The following B3GLCT variants were observed in gnomAD, a reference collection of about 807,000 sequenced individuals.
B3GLCT encodes the protein beta 3-glucosyltransferase, also known as beta-1,3-glucosyltransferase.
A neutral mutation model predicts 63.4 loss-of-function variants in B3GLCT; 65 were observed. The ratio of observed to expected loss-of-function variants is 1.03; its 90% CI spans 0.84 to 1.26. The LOEUF is 1.26. Ranked by LOEUF, B3GLCT falls within the 50% of genes most tolerant of loss-of-function variation. The pLI, the probability that B3GLCT is intolerant of heterozygous loss-of-function variation, is 0.00. For missense variants in B3GLCT, 577 were observed against 604.8 expected (o/e 0.95, Z 0.48); for synonymous variants, 233 against 219.2 (o/e 1.06, Z -0.55).
chr13:31,222,760 C>T (rs1344935510), intron 2 of B3GLCT, among the ~76,000 whole-genome samples, 192 bp from the exon 3 acceptor site: 2 of 152,232 alleles, frequency 1.3e-5, no homozygotes, highest in African/African-American at 2.4e-5. Context: ...TGTCATGATA[C>T]AGAAGTACAT....
intron 8 of B3GLCT, among the ~76,000 whole-genome samples, chr13:31,271,408 T>A (rs1351349161): frequency 6.6e-6 from 1 of 152,264 alleles, no homozygotes; most frequent in Non-Finnish European, 1.5e-5. Flanking sequence ...TTTTTGCTAT[T>A]ACAACCATTG....
intron 1 of B3GLCT, among the ~76,000 whole-genome samples, chr13:31,202,868 TAGA>T (rs1009847730): frequency 3.0e-4 from 45 of 152,288 alleles, no homozygotes; most frequent in Middle Eastern, 3.4e-3. Context: ...AAGAGAAAGA[TAGA>T]AGAAGCCTGG....
chr13:31,259,339 T>C (rs1871901426), intron 6 of B3GLCT, among the ~76,000 whole-genome samples: 2 of 151,910 alleles, frequency 1.3e-5, no homozygotes, highest in Non-Finnish European at 2.9e-5. Flanking sequence ...AAGAAGGCTA[T>C]GGATGATAGG....
intron 4 of B3GLCT, among the ~76,000 whole-genome samples, chr13:31,232,633 A>C (rs187480608): frequency 1.3e-5 from 2 of 152,272 alleles, no homozygotes; most frequent in South Asian, 2.1e-4. Context: ...ATCACATGCT[A>C]TGCCCCTGTG....
At chr13:31,265,547 T>G (rs1872249730) in intron 7 of B3GLCT, among the ~76,000 whole-genome samples, 1 of 152,220 alleles carries the variant, frequency 6.6e-6, no homozygotes, top group Admixed American at 6.5e-5. Flanking sequence ...TTTCTTAGAC[T>G]GTTTCCAACC....
intron 7 of B3GLCT, among the ~76,000 whole-genome samples, chr13:31,268,231 A>G (rs2137844093): frequency 6.6e-6 from 1 of 152,312 alleles, no homozygotes; most frequent in South Asian, 2.1e-4. Context: ...CTTGAGCTCT[A>G]TAAATAAATA....
chr13:31,308,347 T>TTAA lies in B3GLCT; in HGVS notation c.1065-9219_1065-9218insTAA, dbSNP rs1450252463. 5.9e-4 allele frequency among the ~76,000 whole-genome samples: 14 copies of TTAA among 23,686 alleles called. No homozygotes were observed. In the South Asian group the frequency reaches 6.8e-3, roughly 11 times the overall value. The allele number at this position is 23,686 out of a possible 152,430, so 15.5% of individuals were successfully genotyped here. A position where few individuals can be genotyped will look rare whatever the true frequency, so the allele number is the denominator to read the frequency against. On this transcript the variant is annotated intron_variant, in intron 12 of 14. Coordinates refer to ENST00000343307, the MANE Select transcript of B3GLCT (RefSeq NM_194318.4). ...TAGAGTATAATAAAAAAAAAAAAAT[T>TTAA]AAAAAAAAAAAAACAAAAAAAAAAG...
intron 2 of B3GLCT, among the ~76,000 whole-genome samples, chr13:31,216,035 T>C (rs544809257): frequency 6.6e-6 from 1 of 152,346 alleles, no homozygotes; most frequent in African/African-American, 2.4e-5. Context: ...CAGTTTAGCA[T>C]GTAAAAAAGG....
In B3GLCT at chr13:31,325,196, A is replaced by G. The variant is rs117741480; in HGVS notation, c.1329+1301A>G. The stretch of plus-strand genomic sequence containing the variant: ...GAGAGGATAAAAAGAGACCTTTAAT[A>G]TAAGGAAATGTATGAGAAACCTCCT... On this transcript the variant is annotated intron_variant, in intron 14 of 14. Coordinates refer to ENST00000343307, the MANE Select transcript of B3GLCT (RefSeq NM_194318.4). 1.3e-3 allele frequency among the ~76,000 whole-genome samples: 202 copies of G among 152,358 alleles called. 5 individuals are homozygous for G. The East Asian group carries it at 0.031, about 24-fold the overall frequency.
At chr13:31,253,618 A>AAAACAAACAAAC (rs1555249041) in intron 6 of B3GLCT, among the ~76,000 whole-genome samples, 3 of 82,266 alleles carry the variant, frequency 3.6e-5, no homozygotes, top group Non-Finnish European at 2.3e-5. Flanking sequence ...AAAAAAAAAA[A>AAAACAAACAAAC]AAACTAGAGA....
At chr13:31,269,645 C>T (rs1924820) in intron 8 of B3GLCT, among the ~76,000 whole-genome samples, 1 of 150,832 alleles carries the variant, frequency 6.6e-6, no homozygotes, top group East Asian at 2.0e-4. Context: ...ATGTCCCCGC[C>T]CCCCTAATTC....
At chr13:31,244,394 A>G (rs1871097437) in intron 4 of B3GLCT, among the ~76,000 whole-genome samples, 1 of 152,168 alleles carries the variant, frequency 6.6e-6, no homozygotes, top group Non-Finnish European at 1.5e-5. Context: ...CGGGAGGCTG[A>G]GGCAAGAGAA....
chr13:31,239,602 A>G (rs1405286762), intron 4 of B3GLCT, among the ~76,000 whole-genome samples: 1 of 152,148 alleles, frequency 6.6e-6, no homozygotes, highest in Admixed American at 6.5e-5. Flanking sequence ...CATGAAACAA[A>G]AGAGCAAACA....
intron 2 of B3GLCT, among the ~76,000 whole-genome samples, chr13:31,216,961 A>T (rs2137749576): frequency 6.6e-6 from 1 of 152,354 alleles, no homozygotes; most frequent in South Asian, 2.1e-4. Context: ...CTTTGGGTAT[A>T]TACCCAGTAA....
intron 2 of B3GLCT, 77 bp from the exon 3 acceptor site, chr13:31,222,875 C>CA: frequency 1.1e-6 from 1 of 948,518 alleles, no homozygotes; most frequent in East Asian, 2.4e-5. Flanking sequence ...TACCATGCAC[C>CA]ATGCATGTTT....
At chr13:31,280,541 G>A (rs766246125) in intron 10 of B3GLCT, among the ~76,000 whole-genome samples, 5 of 152,154 alleles carry the variant, frequency 3.3e-5, no homozygotes, top group Non-Finnish European at 7.3e-5. Context: ...CCCCACTCCT[G>A]CTTCATTATA....
intron 6 of B3GLCT, among the ~76,000 whole-genome samples, chr13:31,251,266 G>A (rs979817316): frequency 2.0e-5 from 3 of 152,166 alleles, no homozygotes; most frequent in Non-Finnish European, 2.9e-5. Flanking sequence ...GGAGAAACTA[G>A]CACAAAACGG....
intron 6 of B3GLCT, chr13:31,260,474 C>T (rs571487482): frequency 9.7e-5 from 15 of 155,312 alleles, no homozygotes; most frequent in African/African-American, 3.6e-4. Flanking sequence ...CATTTCTCCA[C>T]TCTAGGGTAA....
At chr13:31,251,975 C>T (rs939544162) in intron 6 of B3GLCT, among the ~76,000 whole-genome samples, 1 of 152,098 alleles carries the variant, frequency 6.6e-6, no homozygotes, top group African/African-American at 2.4e-5. Flanking sequence ...AGGGAAAGTC[C>T]GGTTACCCAC....
Sources: gnomAD v4.1 joint callset for allele counts (sites outside exome capture counted in the v4.1 genomes callset) on GRCh38, gnomAD v4.1.1 for gene constraint, MANE v1.5 for transcripts, NCBI Gene and HGNC (gene_info 2026-07-23, HGNC 2026-07-21) for gene names.